The following EML6 variants were observed in gnomAD, a reference collection of about 807,000 sequenced individuals.
EML6 encodes EMAP like 6.
Under a neutral mutation model 240.1 loss-of-function variants are expected in EML6, and 154 were observed. The observed-to-expected ratio is 0.64, with a 90% CI of 0.56 to 0.73. EML6 has a LOEUF of 0.73. EML6 is among the 30% of genes least tolerant of loss of function. The pLI, the probability that EML6 is intolerant of heterozygous loss-of-function variation, is 0.00. For synonymous variants in EML6, 1,148 were observed against 899.0 expected (o/e 1.28, Z -4.95); for missense variants, 2,964 against 2,474.6 (o/e 1.20, Z -4.20).
chr2:54,967,202 T>C, intron 39 of EML6, 99 bp downstream of exon 39: 1 of 772,276 alleles, frequency 1.3e-6, no homozygotes, highest in East Asian at 2.8e-5. Flanking sequence ...CTGAAGAAGC[T>C]GAGAAATGGA....
At chr2:54,838,526 A>G (rs1669272720) in intron 7 of EML6, among the ~76,000 whole-genome samples, 1 of 152,192 alleles carries the variant, frequency 6.6e-6, no homozygotes, top group South Asian at 2.1e-4. Context: ...GTGGTAGAAA[A>G]TAAGCAATGT....
At chr2:54,747,301 G>C (rs1218755849) in intron 2 of EML6, 2 of 152,168 alleles carry the variant, frequency 1.3e-5, no homozygotes, top group Non-Finnish European at 2.9e-5. Flanking sequence ...CATGTTTTCA[G>C]AGCGGGTCAC....
intron 2 of EML6, among the ~76,000 whole-genome samples, chr2:54,758,581 T>C (rs1368932307): frequency 6.6e-6 from 1 of 152,180 alleles, no homozygotes; most frequent in Admixed American, 6.5e-5. Flanking sequence ...TATATTATAC[T>C]TCCTCCAACG....
At chr2:54,799,129 C>T (rs549801596) in intron 2 of EML6, among the ~76,000 whole-genome samples, 11 of 152,274 alleles carry the variant, frequency 7.2e-5, no homozygotes, top group South Asian at 2.1e-4. Flanking sequence ...GGCACCATCT[C>T]GGTTCACTGC....
chr2:54,882,497 C>T (rs556395954), intron 17 of EML6: 2 of 151,944 alleles, frequency 1.3e-5, no homozygotes, highest in African/African-American at 2.4e-5. Flanking sequence ...TAGGAGGGAT[C>T]TTGGACAAAA....
At chr2:54,826,707 T>G (rs1668614378) in intron 5 of EML6, among the ~76,000 whole-genome samples, 1 of 152,168 alleles carries the variant, frequency 6.6e-6, no homozygotes, top group Non-Finnish European at 1.5e-5. Flanking sequence ...TTGTGTATGG[T>G]CTTCTACACA....
At chr2:54,968,355 G>A in intron 40 of EML6, 74 bp downstream of exon 40, 5 of 1,368,578 alleles carry the variant, frequency 3.7e-6, no homozygotes, top group South Asian at 1.3e-5. Flanking sequence ...GCCACGTCTA[G>A]ATGGCCCTCT....
intron 2 of EML6, among the ~76,000 whole-genome samples, chr2:54,772,383 T>C (rs1668438113): frequency 6.6e-6 from 1 of 152,148 alleles, no homozygotes; most frequent in Non-Finnish European, 1.5e-5. Flanking sequence ...ATGAGAGGTG[T>C]GGACTTTGAA....
intron 34 of EML6, 85 bp from the exon 35 acceptor site, chr2:54,960,135 A>C: frequency 2.0e-6 from 2 of 1,008,206 alleles, no homozygotes; most frequent in Non-Finnish European, 3.0e-6. Context: ...AACCCTGATG[A>C]CTGGGAAAGA....
At chr2:54,879,487 G>T in intron 16 of EML6, 60 bp from the exon 17 acceptor site, 1 of 1,058,106 alleles carries the variant, frequency 9.5e-7, no homozygotes, top group South Asian at 1.4e-5. Flanking sequence ...TCTTTACAGT[G>T]TATGAAATGT....
chr2:54,918,209 C>A (rs1378121602), intron 26 of EML6, among the ~76,000 whole-genome samples: 1 of 152,112 alleles, frequency 6.6e-6, no homozygotes, highest in African/African-American at 2.4e-5. Context: ...ATTTTCTCTC[C>A]CTTGCAGCAT....
At chr2:54,844,305 A>C in intron 8 of EML6, 57 bp downstream of exon 8, 5 of 1,383,646 alleles carry the variant, frequency 3.6e-6, no homozygotes, top group Non-Finnish European at 5.0e-6. Context: ...TATTTGCCCA[A>C]ATTTGCTTAT....
chr2:54,821,672 G>C (rs1668341193), intron 5 of EML6, among the ~76,000 whole-genome samples: 1 of 151,872 alleles, frequency 6.6e-6, no homozygotes, highest in African/African-American at 2.4e-5. Context: ...TACAAGACTT[G>C]GATACAAAGA....
chr2:54,902,151 G>C (rs1054435761), intron 22 of EML6, among the ~76,000 whole-genome samples: 1 of 145,736 alleles, frequency 6.9e-6, no homozygotes, highest in African/African-American at 2.4e-5. Flanking sequence ...TGTATGTAAG[G>C]CTTAATATTT....
intron 28 of EML6, among the ~76,000 whole-genome samples, chr2:54,936,941 A>T (rs1378706290): frequency 6.7e-6 from 1 of 148,320 alleles, no homozygotes; most frequent in Non-Finnish European, 1.5e-5. Context: ...TCTCCTGCTT[A>T]GCTCAGGCTA....
At chr2:54,812,073 G>T (rs890025228) in intron 2 of EML6, among the ~76,000 whole-genome samples, 5 of 152,130 alleles carry the variant, frequency 3.3e-5, no homozygotes, top group Non-Finnish European at 5.9e-5. Context: ...GTTGGTTATA[G>T]ATATATAATG....
At chr2:54,883,887 C>T (rs912410986) in intron 17 of EML6, among the ~76,000 whole-genome samples, 3 of 152,172 alleles carry the variant, frequency 2.0e-5, no homozygotes, top group Admixed American at 6.5e-5. Context: ...CTAGCCACAA[C>T]AGAAATAACC....
chr2:54,793,788 C>G (rs1286155649), intron 2 of EML6, among the ~76,000 whole-genome samples: 1 of 152,114 alleles, frequency 6.6e-6, no homozygotes, highest in Non-Finnish European at 1.5e-5. Flanking sequence ...AGTGGCAGAA[C>G]TTCCCCAACT....
At chr2:54,857,176 A>G (rs1399256765) in intron 11 of EML6, among the ~76,000 whole-genome samples, 2 of 152,138 alleles carry the variant, frequency 1.3e-5, no homozygotes, top group African/African-American at 4.8e-5. Context: ...TCCTTGTTGT[A>G]AGTTAGGGGC....
Sources: allele counts gnomAD v4.1 joint callset (sites outside exome capture counted in the v4.1 genomes callset), GRCh38; gene constraint gnomAD v4.1.1; transcripts MANE v1.5; gene names NCBI Gene and HGNC (gene_info 2026-07-23, HGNC 2026-07-21).